Variants in STK10 observed in about 807,000 individuals in gnomAD.
STK10 encodes the protein serine/threonine kinase 10, also known as serine/threonine-protein kinase 10.
Under a neutral mutation model 113.8 loss-of-function variants are expected in STK10, and 78 were observed. The ratio of observed to expected loss-of-function variants is 0.69; its 90% CI spans 0.57 to 0.83. The LOEUF (loss-of-function observed/expected upper bound fraction) is 0.83. Among genes scored for constraint, STK10 ranks in the 40% least tolerant of loss-of-function variants. STK10 has a pLI of 0.00. For missense variants in STK10, 1,109 were observed against 1,280.1 expected (o/e 0.87, Z 2.04); for synonymous variants, 465 against 494.7 (o/e 0.94, Z 0.80).
intron 8 of STK10, among the ~76,000 whole-genome samples, chr5:172,094,262 G>A (rs530534136): frequency 1.3e-5 from 2 of 152,300 alleles, no homozygotes; most frequent in Non-Finnish European, 2.9e-5. Flanking sequence ...CACAGGGAGG[G>A]GTCAGTGGCC....
At chr5:172,153,825 G>A (rs1417973501) in intron 2 of STK10, among the ~76,000 whole-genome samples, 2 of 152,196 alleles carry the variant, frequency 1.3e-5, no homozygotes, top group South Asian at 2.1e-4. Context: ...CCCATTTGCT[G>A]GTCCCTCTAC....
rs1217781423 is a variant in STK10, at chr5:172,172,380, ATGT to A, written c.156+15504_156+15506del. Among the ~76,000 whole-genome samples the A allele has an allele frequency of 4.6e-5, 7 of 152,262 alleles. No homozygotes were observed. The South Asian group carries it at 1.0e-3, about 23-fold the overall frequency. On this transcript the variant is annotated intron_variant, in intron 1 of 18. Coordinates refer to ENST00000176763, the MANE Select transcript of STK10 (RefSeq NM_005990.4). ...TCCAAAAGCATAGGCCTTGATTTAC[ATGT>A]TGTCAAATGCTCTCCAAATGGCAGG...
At chr5:172,059,147 G>T (rs1206105443) in intron 14 of STK10, among the ~76,000 whole-genome samples, 2 of 151,996 alleles carry the variant, frequency 1.3e-5, no homozygotes, top group Middle Eastern at 6.8e-3. Flanking sequence ...GGAGAATGGC[G>T]CAGTGGCTCA....
intron 2 of STK10, among the ~76,000 whole-genome samples, chr5:172,147,221 C>T (rs1287444510): frequency 1.3e-5 from 2 of 152,176 alleles, no homozygotes; most frequent in African/African-American, 4.8e-5. Context: ...ACACCACCCT[C>T]CAGGAAGCTC....
At position 172,046,402 on chromosome 5, in the gene STK10, C is replaced by T. The variant is rs1767496445; in HGVS notation, c.2767-1380G>A. 2.0e-5 allele frequency among the ~76,000 whole-genome samples: 3 copies of T among 150,960 alleles called. No individual in the cohort carries two copies. In the South Asian group the frequency reaches 6.3e-4, roughly 32 times the overall value. ...TTTTTACATCACTATGTTGGCCAAA[C>T]ATACCATGCCTGTAAGCCAATTCCA... On this transcript the variant is annotated intron_variant, in intron 18 of 18. Transcript: ENST00000176763.
chr5:172,146,530 G>A (rs1457922309), intron 2 of STK10, among the ~76,000 whole-genome samples: 2 of 152,150 alleles, frequency 1.3e-5, no homozygotes, highest in African/African-American at 2.4e-5. Context: ...GGAATCATCT[G>A]CTCCTATCTC....
At chr5:172,055,287 C>A (rs1013768044) in intron 16 of STK10, among the ~76,000 whole-genome samples, 1 of 152,092 alleles carries the variant, frequency 6.6e-6, no homozygotes, top group African/African-American at 2.4e-5. Flanking sequence ...GCAACCTCTG[C>A]CTCCCGGGCT....
At chr5:172,049,014 T>C (rs542334332) in intron 18 of STK10, among the ~76,000 whole-genome samples, 75 of 152,224 alleles carry the variant, frequency 4.9e-4, no homozygotes, top group African/African-American at 1.8e-3. Flanking sequence ...GTCCTTCAGA[T>C]CTTGGCTCAG....
At chr5:172,078,619 T>TAAAAAAAAAAAAAAA (rs58823824) in intron 12 of STK10, among the ~76,000 whole-genome samples, 3 of 72,878 alleles carry the variant, frequency 4.1e-5, no homozygotes, top group Non-Finnish European at 6.3e-5. Context: ...GCCTCATCAT[T>TAAAAAAAAAAAAAAA]AAAAAAAAAA....
At chr5:172,059,634 C>A (rs539895486) in intron 14 of STK10, among the ~76,000 whole-genome samples, 3 of 152,058 alleles carry the variant, frequency 2.0e-5, no homozygotes, top group Non-Finnish European at 4.4e-5. Flanking sequence ...GAGCTCCCCA[C>A]GCTGGACGAC....
intron 1 of STK10, among the ~76,000 whole-genome samples, chr5:172,174,626 T>A (rs1478220924): frequency 6.6e-6 from 1 of 152,152 alleles, no homozygotes; most frequent in Admixed American, 6.5e-5. Context: ...TCCCAGTTTG[T>A]AACAACAGCC....
intron 3 of STK10, among the ~76,000 whole-genome samples, chr5:172,126,756 T>C (rs12655697): frequency 0.95 from 144,767 of 152,234 alleles, 68,851 homozygotes; most frequent in East Asian, 1. Context: ...GACCTGACAC[T>C]GTCCCCACAG....
chr5:172,045,432 T>C, intron 18 of STK10: 1 of 459,104 alleles, frequency 2.2e-6, no homozygotes, highest in Non-Finnish European at 4.4e-6. Context: ...ATGCCTGAGT[T>C]GAGATTGCGC....
At chr5:172,182,308 GAAAA>G (rs567194724) in intron 1 of STK10, among the ~76,000 whole-genome samples, 1 of 92,132 alleles carries the variant, frequency 1.1e-5, no homozygotes, top group Non-Finnish European at 2.2e-5. Flanking sequence ...GTCTCAGAGG[GAAAA>G]AAAAAAAAAA....
intron 2 of STK10, among the ~76,000 whole-genome samples, chr5:172,152,408 CA>C (rs1770254972): frequency 6.6e-6 from 1 of 152,166 alleles, no homozygotes; most frequent in Non-Finnish European, 1.5e-5. Flanking sequence ...GCCCAGAGAC[CA>C]AAATCTGGCT....
chr5:172,066,850 C>T (rs567315490), intron 12 of STK10, among the ~76,000 whole-genome samples: 51 of 152,300 alleles, frequency 3.3e-4, no homozygotes, highest in African/African-American at 1.2e-3. Context: ...CACAGAGATT[C>T]ACCCCTGAGC....
chr5:172,083,070 C>T lies in STK10; in HGVS notation c.1700G>A (p.Arg567Gln). 6.2e-7 allele frequency: 1 copy of T among 1,614,122 alleles called. No homozygotes were observed. Among genetic ancestry groups the T allele is most frequent in the Non-Finnish European group, 8.5e-7 (1 of 1,180,030 alleles). ...EMRFLRRQELRELRLLQKEEH... is the reference protein window; with the variant it reads ...EMRFLRRQELQELRLLQKEEH... ...TTCTTTCTGGAGCAGCCGAAGCTCT[C>T]GGAGTTCCTGGCGCCTGAAAGGTTA... Residue 567 changes from arginine to glutamine, a missense_variant, in exon 11 of 19, where the codon CGA becomes CAA. Arg to Gln is a conservative substitution (Grantham distance 43). Around this residue, in one of 5 missense-constraint regions of STK10, gnomAD observed 885 missense variants for 991.1 expected, o/e 0.89. Transcript: ENST00000176763.
At chr5:172,094,249 G>A (rs1413860145) in intron 8 of STK10, among the ~76,000 whole-genome samples, 1 of 152,216 alleles carries the variant, frequency 6.6e-6, no homozygotes, top group Non-Finnish European at 1.5e-5. Context: ...CCAGCTCATG[G>A]CCCACAGGGA....
chr5:172,093,665 C>T lies in STK10; in HGVS notation c.1301G>A (p.Gly434Asp), dbSNP rs753698666. The change falls in exon 9 of 19, where the codon GGT becomes GAT. Residue 434 changes from glycine to aspartate, a missense_variant. Around this residue, in one of 5 missense-constraint regions of STK10, gnomAD observed 885 missense variants for 991.1 expected, o/e 0.89. Transcript: ENST00000176763. The surrounding 1 kb of genome is among the most constrained non-coding windows in gnomAD (Gnocchi z 4.1). ...VAQEKQVAEQ[G>D]GDLSPAANRS... ...GTTGGCTGCTGGGCTGAGGTCCCCA[C>T]CCTGCTCAGCAACTTGCTTCTCCTG... The T allele has an allele frequency of 1.2e-6, 2 of 1,614,260 alleles. No homozygotes were observed. The highest frequency in any genetic ancestry group is 1.7e-6 in the Non-Finnish European group (2 of 1,180,048).
Sources: allele counts gnomAD v4.1 joint callset (sites outside exome capture counted in the v4.1 genomes callset), GRCh38; gene constraint gnomAD v4.1.1; regional missense constraint gnomAD v4.1.1; non-coding constraint Gnocchi (gnomAD v3.1); transcripts MANE v1.5; gene names NCBI Gene and HGNC (gene_info 2026-07-23, HGNC 2026-07-21).